NDE1: variants seen among roughly 807,000 people sequenced by gnomAD.
NDE1 encodes the protein nudE neurodevelopment protein 1, also known as nuclear distribution protein nudE homolog 1.
In NDE1, 28 loss-of-function variants were observed where a neutral mutation model predicts 43.4. That is an observed-to-expected ratio of 0.65 (90% CI 0.48 to 0.89). The LOEUF (loss-of-function observed/expected upper bound fraction) is 0.89, where lower values mean the gene tolerates loss of function less well. NDE1 is among the 40% of genes least tolerant of loss of function. The probability of loss-of-function intolerance (pLI) is 0.00; values close to 1 mark genes in which losing one functional copy is unlikely to be tolerated. For synonymous variants in NDE1, 184 were observed against 172.0 expected (o/e 1.07, Z -0.55); for missense variants, 441 against 434.1 (o/e 1.02, Z -0.14).
In NDE1 at chr16:15,721,187, G is replaced by A. The variant is rs2040456195; in HGVS notation, c.948-3004G>A. On this transcript the variant is annotated intron_variant, in intron 8 of 8. Transcript: ENST00000396354. ...CACAGGATGCATGGCCGGGACTCAA[G>A]ATGACCCCTGAGAGTTCAGACCCCA... 3 of 1,037,736 alleles carry A rather than the reference G, an allele frequency of 2.9e-6. No individual in the cohort carries two copies. The African/African-American group carries it at 4.7e-5, about 16-fold the overall frequency. The allele number at this position is 1,037,736 out of a possible 1,614,324, so 64.3% of individuals were successfully genotyped here.
At chr16:15,700,108 T>C in intron 8 of NDE1, 1 of 1,126,652 alleles carries the variant, frequency 8.9e-7, no homozygotes, top group Non-Finnish European at 1.1e-6. Flanking sequence ...GCTACCGTGT[T>C]GTTTTTGAGA....
chr16:15,679,561 A>T (rs2038068033), intron 4 of NDE1, among the ~76,000 whole-genome samples: 1 of 152,112 alleles, frequency 6.6e-6, no homozygotes, highest in Non-Finnish European at 1.5e-5. Flanking sequence ...TTTTAGATGT[A>T]GGATTTGTGT....
At chr16:15,675,816 G>T (rs1360311162) in intron 3 of NDE1, among the ~76,000 whole-genome samples, 1 of 152,140 alleles carries the variant, frequency 6.6e-6, no homozygotes, top group Non-Finnish European at 1.5e-5. Context: ...GGATTGAAAT[G>T]GTTTGGGGCT....
intron 1 of NDE1, among the ~76,000 whole-genome samples, chr16:15,652,860 C>T (rs1020106353): frequency 6.6e-6 from 1 of 151,972 alleles, no homozygotes; most frequent in Non-Finnish European, 1.5e-5. Flanking sequence ...AGATTGGGGT[C>T]TCACTATGTT....
At position 15,724,902 on chromosome 16, in the gene NDE1, G is replaced by T. The variant is rs141159831; in HGVS notation, c.*651G>T. The T allele has an allele frequency of 1.0e-3, 1,615 of 1,614,112 alleles. 15 individuals carry two copies. In the African/African-American group the frequency reaches 0.02, roughly 20 times the overall value. On this transcript the variant is annotated 3_prime_UTR_variant, in exon 9 of 9. Transcript: ENST00000396354. ...AGGACACTCACCTGGGTGTCCTGGA[G>T]CTGGGAACTGAGGGACGCCACGTCC...
intron 1 of NDE1, 115 bp from the exon 2 acceptor site, chr16:15,664,621 C>G: frequency 1.5e-6 from 1 of 666,870 alleles, no homozygotes; most frequent in Non-Finnish European, 2.6e-6. Flanking sequence ...TCCCAAAGTG[C>G]TGGGATTATA....
chr16:15,717,080 A>G (rs912813503), intron 8 of NDE1: 21 of 1,566,270 alleles, frequency 1.3e-5, no homozygotes, highest in Middle Eastern at 3.4e-4. Context: ...TGACTTCACT[A>G]TGACTCCTGC....
At chr16:15,708,914 T>A in intron 8 of NDE1, 1 of 1,408,446 alleles carries the variant, frequency 7.1e-7, no homozygotes, top group Non-Finnish European at 9.9e-7. Context: ...ATATTCTTAA[T>A]TGTTAAAGAC....
chr16:15,676,976 G>A (rs963338865), intron 3 of NDE1, among the ~76,000 whole-genome samples: 1 of 152,116 alleles, frequency 6.6e-6, no homozygotes, highest in Non-Finnish European at 1.5e-5. Context: ...TTTGGCTGTG[G>A]ACACCTTGGG....
At chr16:15,695,714 T>C (rs2038979398) in intron 7 of NDE1, 1 of 985,026 alleles carries the variant, frequency 1.0e-6, no homozygotes. Flanking sequence ...TAATAGAAGC[T>C]TGCAACTCAT....
At chr16:15,715,356 A>C in intron 8 of NDE1, 1 of 1,321,714 alleles carries the variant, frequency 7.6e-7, no homozygotes, top group African/African-American at 1.5e-5. Context: ...TGGCATCTTG[A>C]GTGCTTTCCT....
intron 8 of NDE1, among the ~76,000 whole-genome samples, chr16:15,716,492 C>A (rs961915193): frequency 2.0e-5 from 3 of 151,964 alleles, no homozygotes; most frequent in African/African-American, 7.3e-5. Flanking sequence ...AATGGGCTGC[C>A]GGTTGGACTT....
Position 15,664,865 on chromosome 16 carries a change from A to G in NDE1, c.83+4A>G, listed in dbSNP as rs1178305810. The stretch of plus-strand genomic sequence containing the variant: ...TGGCGATGACCTACAAACAGAGGTC[A>G]GTCCGAGTTCACCTGCTTTTCCTTT... On this transcript the variant is annotated splice_donor_region_variant and intron_variant, in intron 2 of 8. Transcript: ENST00000396354. 2 of 1,599,242 alleles carry G rather than the reference A, an allele frequency of 1.3e-6. No individual in the cohort carries two copies. The highest frequency in any genetic ancestry group is 1.7e-4 in the Middle Eastern group (1 of 5,868).
chr16:15,674,006 C>T (rs1567634655), intron 3 of NDE1, among the ~76,000 whole-genome samples: 1 of 152,078 alleles, frequency 6.6e-6, no homozygotes, highest in African/African-American at 2.4e-5. Flanking sequence ...GTAATTGAGT[C>T]TCAGTGTTCA....
chr16:15,687,349 G>T (rs750113314), intron 4 of NDE1, 26 bp from the exon 5 acceptor site: 22 of 1,613,848 alleles, frequency 1.4e-5, no homozygotes, highest in Admixed American at 1.3e-4. Flanking sequence ...TGTCCTCTTG[G>T]ATAACTCTGC....
rs574019053 is a variant in NDE1, at chr16:15,681,896, C to T, written c.386+3947C>T. Among the ~76,000 whole-genome samples the T allele has an allele frequency of 3.4e-4, 51 of 151,854 alleles. 1 individual carries two copies. Among genetic ancestry groups the T allele is most frequent in the South Asian group, 2.9e-3 (14 of 4,800 alleles). On this transcript the variant is annotated intron_variant, in intron 4 of 8. Transcript: ENST00000396354. ...GCCTGGCTAATTTTTGTATTTTTAGCGGAGATGGGGTTTCACCATGTTGGC... is the reference window on the plus strand; with the variant it reads ...GCCTGGCTAATTTTTGTATTTTTAGTGGAGATGGGGTTTCACCATGTTGGC...
At chr16:15,697,481 G>C (rs2151145265) in intron 8 of NDE1, among the ~76,000 whole-genome samples, 1 of 152,206 alleles carries the variant, frequency 6.6e-6, no homozygotes, top group Middle Eastern at 3.4e-3. Context: ...GGCCAAGGCA[G>C]GTGGATCACT....
At chr16:15,681,195 T>G (rs57575269) in intron 4 of NDE1, among the ~76,000 whole-genome samples, 1,853 of 149,156 alleles carry the variant, frequency 0.012, 16 homozygotes, top group East Asian at 0.033. Context: ...CAAGTTCAAT[T>G]TTATTTTTAT....
intron 4 of NDE1, among the ~76,000 whole-genome samples, chr16:15,686,788 CCT>C (rs1405187964): frequency 7.2e-5 from 11 of 152,192 alleles, no homozygotes; most frequent in African/African-American, 2.2e-4. Context: ...CTCACTACAA[CCT>C]CTGCTTCCTG....
Sources: gnomAD v4.1 joint callset for allele counts (sites outside exome capture counted in the v4.1 genomes callset) on GRCh38, gnomAD v4.1.1 for gene constraint, MANE v1.5 for transcripts, NCBI Gene and HGNC (gene_info 2026-07-23, HGNC 2026-07-21) for gene names.